PXDNL: variants seen among roughly 807,000 people sequenced by gnomAD.
The protein encoded by PXDNL is probable oxidoreductase PXDNL.
Under a neutral mutation model 150.8 loss-of-function variants are expected in PXDNL, and 145 were observed. That is an observed-to-expected ratio of 0.96 (90% CI 0.84 to 1.10). The LOEUF (loss-of-function observed/expected upper bound fraction) is 1.10. Ranked by LOEUF, PXDNL falls within the 50% of genes least tolerant of loss-of-function variation. The probability of loss-of-function intolerance (pLI) is 0.00; values close to 1 mark genes in which losing one functional copy is unlikely to be tolerated. For missense variants in PXDNL, 2,087 were observed against 1,873.9 expected (o/e 1.11, Z -2.10); for synonymous variants, 757 against 725.7 (o/e 1.04, Z -0.69).
intron 6 of PXDNL, among the ~76,000 whole-genome samples, chr8:51,478,871 T>A (rs1307895974): frequency 6.6e-6 from 1 of 152,234 alleles, no homozygotes; most frequent in African/African-American, 2.4e-5. Flanking sequence ...CTTGGACCCA[T>A]CGGGACTTCA....
chr8:51,447,928 CA>C (rs913105448), intron 11 of PXDNL, among the ~76,000 whole-genome samples: 1 of 152,182 alleles, frequency 6.6e-6, no homozygotes, highest in African/African-American at 2.4e-5. Context: ...ACCCCCAACA[CA>C]GCAACAAAGA....
rs182945297 is a variant in PXDNL at position 51,549,484 on chromosome 8, T to C, written c.380+7356A>G. On this transcript the variant is annotated intron_variant, in intron 4 of 22. Transcript: ENST00000356297. ...AAAACTGAAATTATATCAAGTATTCTCTCAGATCACAGGTGAATAAAATTG... is the reference window on the plus strand; with the variant it reads ...AAAACTGAAATTATATCAAGTATTCCCTCAGATCACAGGTGAATAAAATTG... Among the ~76,000 whole-genome samples, 433 of 152,202 alleles carry C rather than the reference T, an allele frequency of 2.8e-3. 2 individuals are homozygous for C. Among genetic ancestry groups the C allele is most frequent in the Middle Eastern group, 0.01 (3 of 294 alleles).
rs767221514 is a variant in PXDNL at position 51,409,225 on chromosome 8, G to T, written c.2399C>A (p.Thr800Lys). Residue 800 changes from threonine to lysine, a missense_variant, in exon 17 of 23, where the codon ACG becomes AAG. Coordinates refer to ENST00000356297, the MANE Select transcript of PXDNL (RefSeq NM_144651.5). ...CCAGCCCCAGTGCATGAGCATGCGC[G>T]TGTAGCTGTGGTCGGGGGTGACGGC... ...AAAVTPDHSY[T>K]RMLMHWGWFL... 1.9e-6 allele frequency: 3 copies of T among 1,555,202 alleles called. No individual in the cohort carries two copies. Among genetic ancestry groups the T allele is most frequent in the Middle Eastern group, 1.7e-4 (1 of 5,858 alleles).
chr8:51,369,496 G>A (rs28483066), intron 19 of PXDNL, among the ~76,000 whole-genome samples: 95 of 152,130 alleles, frequency 6.2e-4, no homozygotes, highest in Middle Eastern at 3.4e-3. Flanking sequence ...AAAAATCCAC[G>A]CTTGTTAGTC....
Position 51,339,700 on chromosome 8 carries a change from G to T in PXDNL, c.4070C>A (p.Ala1357Glu), listed in dbSNP as rs376106300. ...GEDARNVTVL[A>E]KTKFSQDFST... ...GAAATCTTGGGAGAACTTTGTTTTTGCCAGAACTGTCACATTTCTAGCATC... is the reference window on the plus strand; with the variant it reads ...GAAATCTTGGGAGAACTTTGTTTTTTCCAGAACTGTCACATTTCTAGCATC... Residue 1357 changes from alanine (A) to glutamate (E), a missense_variant, in exon 21 of 23, where the codon GCA becomes GAA. Ala to Glu is a moderately radical substitution (Grantham distance 107). Transcript: ENST00000356297. 4 of 1,613,162 alleles carry T rather than the reference G, an allele frequency of 2.5e-6. No individual in the cohort carries two copies. In the Admixed American group the frequency reaches 5.0e-5, roughly 20 times the overall value.
chr8:51,534,371 G>T (rs1255705941), intron 4 of PXDNL, among the ~76,000 whole-genome samples: 1 of 135,042 alleles, frequency 7.4e-6, no homozygotes, highest in Non-Finnish European at 1.6e-5. Flanking sequence ...GTCAGCCCCC[G>T]CCAGGCCAGC....
intron 2 of PXDNL, among the ~76,000 whole-genome samples, chr8:51,597,219 T>A (rs1023565294): frequency 3.9e-5 from 6 of 152,188 alleles, no homozygotes; most frequent in African/African-American, 1.4e-4. Flanking sequence ...ATTGTAGGTG[T>A]GTGGCCCTAT....
At chr8:51,361,683 T>C (rs1806742884) in intron 19 of PXDNL, among the ~76,000 whole-genome samples, 1 of 152,046 alleles carries the variant, frequency 6.6e-6, no homozygotes, top group South Asian at 2.1e-4. Context: ...AATTCCTGGC[T>C]AGGTGCAGTG....
At chr8:51,364,630 T>C (rs77799184) in intron 19 of PXDNL, among the ~76,000 whole-genome samples, 2,539 of 152,326 alleles carry the variant, frequency 0.017, 32 homozygotes, top group Non-Finnish European at 0.024. Context: ...TATGCTTTGA[T>C]AGATGGAAGA....
intron 2 of PXDNL, among the ~76,000 whole-genome samples, chr8:51,651,519 G>A (rs533264276): frequency 2.0e-4 from 30 of 152,198 alleles, no homozygotes; most frequent in African/African-American, 6.3e-4. Flanking sequence ...CCCTTTTGAC[G>A]TTCTTCTCAA....
intron 1 of PXDNL, among the ~76,000 whole-genome samples, chr8:51,801,031 A>G (rs1041624854): frequency 6.6e-6 from 1 of 152,242 alleles, no homozygotes; most frequent in African/African-American, 2.4e-5. Flanking sequence ...GAATAGAACC[A>G]TATTTTTCTT....
At chr8:51,530,695 C>T (rs1010075111) in intron 4 of PXDNL, among the ~76,000 whole-genome samples, 1 of 152,152 alleles carries the variant, frequency 6.6e-6, no homozygotes, top group South Asian at 2.1e-4. Flanking sequence ...TCACACTCTG[C>T]GTGTAGTGCT....
chr8:51,660,405 G>C (rs1585655622), intron 1 of PXDNL, among the ~76,000 whole-genome samples: 2 of 152,092 alleles, frequency 1.3e-5, no homozygotes, highest in Non-Finnish European at 2.9e-5. Flanking sequence ...GTAATCCCTG[G>C]GTTGAACACA....
chr8:51,350,281 C>T (rs1806295510), intron 19 of PXDNL, among the ~76,000 whole-genome samples: 1 of 150,632 alleles, frequency 6.6e-6, no homozygotes, highest in Admixed American at 6.6e-5. Context: ...TTGGTCTGAC[C>T]AGGTATGCCA....
intron 3 of PXDNL, among the ~76,000 whole-genome samples, chr8:51,582,337 T>C (rs927643094): frequency 2.0e-5 from 3 of 152,118 alleles, no homozygotes; most frequent in African/African-American, 7.2e-5. Flanking sequence ...AAATCAGGGT[T>C]TGTTGGTTGA....
At chr8:51,415,845 G>A (rs1808785193) in intron 14 of PXDNL, among the ~76,000 whole-genome samples, 1 of 152,040 alleles carries the variant, frequency 6.6e-6, no homozygotes, top group African/African-American at 2.4e-5. Context: ...GACATAAAAG[G>A]TAATGAATTA....
intron 1 of PXDNL, among the ~76,000 whole-genome samples, chr8:51,668,331 C>T (rs1227164623): frequency 6.6e-6 from 1 of 151,854 alleles, no homozygotes; most frequent in East Asian, 1.9e-4. Context: ...AGCACCACCA[C>T]ACCTGGCTAA....
intron 1 of PXDNL, among the ~76,000 whole-genome samples, chr8:51,722,879 G>C (rs1816756460): frequency 6.6e-6 from 1 of 151,890 alleles, no homozygotes; most frequent in Admixed American, 6.6e-5. Context: ...TTCTCATTTA[G>C]GGCCATGGGT....
intron 21 of PXDNL, among the ~76,000 whole-genome samples, chr8:51,336,182 C>T (rs1805826359): frequency 6.6e-6 from 1 of 152,186 alleles, no homozygotes; most frequent in Admixed American, 6.5e-5. Flanking sequence ...TATAGATTCT[C>T]TTAAACATTC....
Sources: allele counts gnomAD v4.1 joint callset (sites outside exome capture counted in the v4.1 genomes callset), GRCh38; gene constraint gnomAD v4.1.1; transcripts MANE v1.5; gene names NCBI Gene and HGNC (gene_info 2026-07-23, HGNC 2026-07-21).